The following SGCZ variants were observed in gnomAD, a reference collection of about 807,000 sequenced individuals.
SGCZ encodes sarcoglycan zeta, also known as zeta-sarcoglycan.
A neutral mutation model predicts 41.3 loss-of-function variants in SGCZ; 40 were observed. The ratio of observed to expected loss-of-function variants is 0.97; its 90% CI spans 0.75 to 1.26. The LOEUF is 1.26. Ranked by LOEUF, SGCZ falls within the 50% of genes most tolerant of loss-of-function variation. SGCZ has a pLI of 0.00. For synonymous variants in SGCZ, 206 were observed against 137.5 expected (o/e 1.50, Z -3.49); for missense variants, 552 against 369.8 (o/e 1.49, Z -4.04).
Position 15,049,586 on chromosome 8 carries a change from G to C in SGCZ, c.39+187999C>G, listed in dbSNP as rs190029633. Among the ~76,000 whole-genome samples, 8 of 152,244 alleles carry C rather than the reference G, an allele frequency of 5.3e-5. No individual in the cohort carries two copies. In the East Asian group the frequency reaches 1.5e-3, roughly 29 times the overall value. On this transcript the variant is annotated intron_variant, in intron 1 of 7. Coordinates refer to ENST00000382080, the MANE Select transcript of SGCZ (RefSeq NM_139167.4). ...GGAGTGGAAGCATGGAGACCAATTAGGCAGAGATATGTACTGCCACCATGC... is the reference window on the plus strand; with the variant it reads ...GGAGTGGAAGCATGGAGACCAATTACGCAGAGATATGTACTGCCACCATGC...
chr8:14,866,559 C>G (rs1803938947), intron 1 of SGCZ, among the ~76,000 whole-genome samples: 1 of 151,996 alleles, frequency 6.6e-6, no homozygotes, highest in Non-Finnish European at 1.5e-5. Flanking sequence ...CCTGTAATGC[C>G]AGCACTTTCG....
intron 1 of SGCZ, among the ~76,000 whole-genome samples, chr8:15,024,892 C>T (rs373026221): frequency 1.3e-5 from 2 of 151,532 alleles, no homozygotes; most frequent in Non-Finnish European, 1.5e-5. Flanking sequence ...GCCGAGATGG[C>T]GCCACTGCAC....
chr8:14,370,591 G>C (rs975005147), intron 2 of SGCZ, among the ~76,000 whole-genome samples: 1 of 151,660 alleles, frequency 6.6e-6, no homozygotes, highest in Non-Finnish European at 1.5e-5. Context: ...CTAGTGTTAA[G>C]TATTTTCTAT....
intron 1 of SGCZ, among the ~76,000 whole-genome samples, chr8:14,985,520 G>C (rs1408799394): frequency 2.0e-5 from 3 of 152,282 alleles, no homozygotes; most frequent in South Asian, 2.1e-4. Context: ...CAGAGATTCA[G>C]AGTCTGACCT....
intron 1 of SGCZ, among the ~76,000 whole-genome samples, chr8:14,562,517 A>G (rs898361150): frequency 2.0e-5 from 3 of 152,210 alleles, no homozygotes; most frequent in Non-Finnish European, 2.9e-5. Context: ...GGACATGGTA[A>G]TATAATCGGG....
chr8:15,206,349 G>A (rs1211923507), intron 1 of SGCZ, among the ~76,000 whole-genome samples: 3 of 152,048 alleles, frequency 2.0e-5, no homozygotes, highest in Non-Finnish European at 4.4e-5. Flanking sequence ...AAGAACTTCA[G>A]CATTTCTTGA....
chr8:14,658,725 A>C (rs571605302), intron 1 of SGCZ, among the ~76,000 whole-genome samples: 23 of 152,206 alleles, frequency 1.5e-4, no homozygotes, highest in Non-Finnish European at 3.4e-4. Flanking sequence ...TATACTAATA[A>C]TTTCACCTGT....
chr8:14,345,645 C>T (rs1420043536), intron 2 of SGCZ, among the ~76,000 whole-genome samples: 2 of 152,020 alleles, frequency 1.3e-5, no homozygotes, highest in South Asian at 2.1e-4. Flanking sequence ...CCCAGCTTTC[C>T]CAGAAGTTTG....
intron 1 of SGCZ, among the ~76,000 whole-genome samples, chr8:14,720,206 A>T (rs1401938223): frequency 6.6e-6 from 1 of 152,042 alleles, no homozygotes; most frequent in African/African-American, 2.4e-5. Flanking sequence ...ATTTTATACT[A>T]CTTACATGCT....
At chr8:14,820,346 G>C (rs1030467519) in intron 1 of SGCZ, among the ~76,000 whole-genome samples, 2 of 151,912 alleles carry the variant, frequency 1.3e-5, no homozygotes, top group African/African-American at 4.8e-5. Context: ...CAACACTGGA[G>C]CACCCAGGTA....
At chr8:15,021,636 T>A (rs1803251635) in intron 1 of SGCZ, among the ~76,000 whole-genome samples, 1 of 152,234 alleles carries the variant, frequency 6.6e-6, no homozygotes, top group African/African-American at 2.4e-5. Flanking sequence ...CTACTCACCC[T>A]GCGTGGGATG....
intron 1 of SGCZ, among the ~76,000 whole-genome samples, chr8:14,954,810 C>T (rs969337922): frequency 1.3e-5 from 2 of 152,130 alleles, no homozygotes; most frequent in Non-Finnish European, 1.5e-5. Flanking sequence ...AAGCAAAGGA[C>T]CCATTCTTAT....
At chr8:15,133,607 A>T (rs1433761525) in intron 1 of SGCZ, among the ~76,000 whole-genome samples, 1 of 152,234 alleles carries the variant, frequency 6.6e-6, no homozygotes, top group Non-Finnish European at 1.5e-5. Flanking sequence ...TTGTAGGAGA[A>T]AACAAAATCT....
intron 1 of SGCZ, among the ~76,000 whole-genome samples, chr8:14,592,970 G>A (rs927705223): frequency 5.9e-5 from 9 of 152,092 alleles, no homozygotes; most frequent in South Asian, 2.1e-4. Flanking sequence ...TGAAACTACC[G>A]CAATTGTTGG....
At chr8:14,599,951 G>GA (rs758556532) in intron 1 of SGCZ, among the ~76,000 whole-genome samples, 10 of 152,090 alleles carry the variant, frequency 6.6e-5, no homozygotes, top group East Asian at 5.8e-4. Context: ...AATAAAAATG[G>GA]AAAAAAATCT....
chr8:14,709,842 G>A (rs1809456425), intron 1 of SGCZ, among the ~76,000 whole-genome samples: 1 of 151,170 alleles, frequency 6.6e-6, no homozygotes, highest in Non-Finnish European at 1.5e-5. Context: ...ATTTTACCAT[G>A]AGTATCTGTT....
intron 1 of SGCZ, among the ~76,000 whole-genome samples, chr8:14,559,492 CA>C (rs1284407525): frequency 2.0e-5 from 3 of 151,976 alleles, no homozygotes; most frequent in Non-Finnish European, 4.4e-5. Context: ...ATGACACAAA[CA>C]AATGGAAACA....
intron 4 of SGCZ, among the ~76,000 whole-genome samples, chr8:14,183,770 A>G (rs189913453): frequency 1.3e-5 from 2 of 152,310 alleles, no homozygotes; most frequent in African/African-American, 2.4e-5. Context: ...AGGAGAAAAC[A>G]ATGCCTATTG....
intron 1 of SGCZ, among the ~76,000 whole-genome samples, chr8:15,158,548 G>A (rs1245902792): frequency 6.6e-6 from 1 of 152,100 alleles, no homozygotes; most frequent in Non-Finnish European, 1.5e-5. Flanking sequence ...ACTACTTTAT[G>A]CTAAAACCTA....
Sources: allele counts gnomAD v4.1 joint callset (sites outside exome capture counted in the v4.1 genomes callset), GRCh38; gene constraint gnomAD v4.1.1; transcripts MANE v1.5; gene names NCBI Gene and HGNC (gene_info 2026-07-23, HGNC 2026-07-21).